SPTAN1: variants seen among roughly 807,000 people sequenced by gnomAD.
SPTAN1 encodes spectrin alpha, non-erythrocytic 1.
Under a neutral mutation model 331.3 loss-of-function variants are expected in SPTAN1, and 61 were observed. That is an observed-to-expected ratio of 0.18 (90% CI 0.15 to 0.23). SPTAN1 has a LOEUF of 0.23. SPTAN1 is among the 10% of genes least tolerant of loss of function. The probability of loss-of-function intolerance (pLI) is 1.00; values close to 1 mark genes in which losing one functional copy is unlikely to be tolerated. For synonymous variants in SPTAN1, 1,153 were observed against 1,173.9 expected (o/e 0.98, Z 0.36); for missense variants, 2,043 against 3,147.9 (o/e 0.65, Z 8.40).
At chr9:128,617,508 G>C (rs1195581951) in intron 41 of SPTAN1, 132 bp from the exon 42 acceptor site, 2 of 1,365,690 alleles carry the variant, frequency 1.5e-6, no homozygotes, top group Non-Finnish European at 2.1e-6. Flanking sequence ...GGCTTTTGTT[G>C]TTCAGAAAAC....
At chr9:128,557,242 T>A (rs954174661) in intron 1 of SPTAN1, among the ~76,000 whole-genome samples, 2 of 152,254 alleles carry the variant, frequency 1.3e-5, no homozygotes, top group African/African-American at 4.8e-5. Context: ...CATTTTGTAG[T>A]ATTCCAAATG....
At chr9:128,612,370 C>A in intron 39 of SPTAN1, 124 bp downstream of exon 39, 1 of 1,250,958 alleles carries the variant, frequency 8.0e-7, no homozygotes, top group Non-Finnish European at 1.2e-6. Flanking sequence ...GACAGAAACC[C>A]TTATTATATA....
intron 10 of SPTAN1, among the ~76,000 whole-genome samples, chr9:128,580,383 G>A (rs2131076922): frequency 6.7e-6 from 1 of 149,928 alleles, no homozygotes; most frequent in Admixed American, 6.6e-5. Flanking sequence ...TATAAGTTTT[G>A]AAGTATCTTC....
intron 15 of SPTAN1, 131 bp downstream of exon 15, chr9:128,583,412 C>T: frequency 1.0e-6 from 1 of 953,258 alleles, no homozygotes; most frequent in East Asian, 2.6e-5. Flanking sequence ...GGATAATTTC[C>T]TGTGTAGGAA....
At chr9:128,588,013 A>ATTTTTTTTTTTTTTTTTTTTTT (rs10627038) in intron 20 of SPTAN1, among the ~76,000 whole-genome samples, 1 of 136,780 alleles carries the variant, frequency 7.3e-6, no homozygotes, top group African/African-American at 2.8e-5. Flanking sequence ...GCCCAGCTAA[A>ATTTTTTTTTTTTTTTTTTTTTT]TTTTTTTTTT....
At chr9:128,565,920 A>G (rs559757395) in intron 1 of SPTAN1, among the ~76,000 whole-genome samples, 10 of 152,156 alleles carry the variant, frequency 6.6e-5, no homozygotes, top group Non-Finnish European at 1.5e-4. Context: ...TGACATTTTT[A>G]GTCACTTTAG....
intron 29 of SPTAN1, among the ~76,000 whole-genome samples, chr9:128,604,637 A>G (rs1046776216): frequency 6.6e-6 from 1 of 152,224 alleles, no homozygotes; most frequent in Admixed American, 6.5e-5. Flanking sequence ...TGTCAGCTAA[A>G]TAAATTTTTT....
In SPTAN1 at chr9:128,633,646, T is replaced by C; in HGVS notation, c.*312T>C. 7.2e-7 allele frequency: 1 copy of C among 1,387,350 alleles called. No individual in the cohort carries two copies. Among genetic ancestry groups the C allele is most frequent in the South Asian group, 1.3e-5 (1 of 76,980 alleles). 85.9% of individuals were successfully genotyped at this position (1,387,350 alleles called of 1,614,324 possible). A position where few individuals can be genotyped will look rare whatever the true frequency, so the allele number is the denominator to read the frequency against. Reference sequence around the variant, plus strand: ...TGTTTTCATGTAAAAGACAAATAAATGATGACTTCCCCCAAAGCTTTGCTT... The same window carrying C: ...TGTTTTCATGTAAAAGACAAATAAACGATGACTTCCCCCAAAGCTTTGCTT... On this transcript the variant is annotated 3_prime_UTR_variant, in exon 57 of 57. Transcript: ENST00000372739.
chr9:128,606,697 G>C (rs1347285922), intron 31 of SPTAN1, among the ~76,000 whole-genome samples: 2 of 151,870 alleles, frequency 1.3e-5, no homozygotes, highest in Non-Finnish European at 2.9e-5. Context: ...TGTTGGTCAG[G>C]CTGGTCTCGA....
In SPTAN1 at chr9:128,607,551, G is replaced by A. The variant is rs79940826; in HGVS notation, c.4047-53G>A. On this transcript the variant is annotated intron_variant, in intron 31 of 56. Coordinates refer to ENST00000372739, the MANE Select transcript of SPTAN1 (RefSeq NM_001130438.3). The stretch of plus-strand genomic sequence containing the variant: ...TCATTCTCTGTTTTCCTGGGCAGAA[G>A]ATCTCCTTACCAGGTAATATAATAG... The A allele has an allele frequency of 3.4e-3, 4,867 of 1,449,636 alleles. 141 individuals are homozygous for A. In the East Asian group the frequency reaches 0.052, roughly 16 times the overall value. 89.8% of individuals were successfully genotyped at this position (1,449,636 alleles called of 1,614,324 possible).
At chr9:128,595,511 T>C (rs77736877) in intron 24 of SPTAN1, among the ~76,000 whole-genome samples, 4,194 of 152,334 alleles carry the variant, frequency 0.028, 196 homozygotes, top group African/African-American at 0.094. Flanking sequence ...TAAGAACTTT[T>C]CTAAGCCTAA....
At chr9:128,591,420 T>C in intron 21 of SPTAN1, 57 bp from the exon 22 acceptor site, 1 of 1,612,184 alleles carries the variant, frequency 6.2e-7, no homozygotes, top group Non-Finnish European at 8.5e-7. Flanking sequence ...GTGACCTCCT[T>C]GGATTCTCCC....
At chr9:128,620,315 G>T (rs1220172212) in intron 44 of SPTAN1, among the ~76,000 whole-genome samples, 1 of 152,336 alleles carries the variant, frequency 6.6e-6, no homozygotes, top group East Asian at 1.9e-4. Flanking sequence ...GCTGGTCAGG[G>T]TGATTCAGGT....
chr9:128,600,252 C>T, intron 27 of SPTAN1, 137 bp downstream of exon 27: 1 of 941,138 alleles, frequency 1.1e-6, no homozygotes, highest in Non-Finnish European at 1.7e-6. Context: ...TGGTTTCTTT[C>T]TGAATCTGTT....
At chr9:128,624,933 G>T (rs1858507759) in intron 46 of SPTAN1, 170 bp from the exon 47 acceptor site, 7 of 694,052 alleles carry the variant, frequency 1.0e-5, no homozygotes, top group Non-Finnish European at 1.8e-5. Context: ...ACAGATGGAG[G>T]CCAGGCCTGG....
intron 21 of SPTAN1, among the ~76,000 whole-genome samples, chr9:128,589,285 C>CT (rs1853113529): frequency 1.5e-5 from 2 of 132,780 alleles, no homozygotes; most frequent in Admixed American, 8.1e-5. Context: ...TTTTCTTTTT[C>CT]TTTTCTTTTT....
intron 27 of SPTAN1, among the ~76,000 whole-genome samples, chr9:128,600,855 G>C (rs905787962): frequency 6.6e-6 from 1 of 151,842 alleles, no homozygotes; most frequent in East Asian, 1.9e-4. Flanking sequence ...TAGAGACAGG[G>C]TTTCGCCATG....
chr9:128,628,573 C>T (rs62586290), intron 51 of SPTAN1: 2 of 205,574 alleles, frequency 9.7e-6, no homozygotes, highest in Non-Finnish European at 2.0e-5. Flanking sequence ...CCAGTCCCGG[C>T]AGGGACTTCT....
At position 128,625,654 on chromosome 9, in the gene SPTAN1, A is replaced by C. The variant is rs1858625009; in HGVS notation, c.6070-115A>C. 1.1e-6 allele frequency: 1 copy of C among 944,028 alleles called. No homozygotes were observed. The highest frequency in any genetic ancestry group is 1.3e-5 in the South Asian group (1 of 76,490). 58.5% of individuals were successfully genotyped at this position (944,028 alleles called of 1,614,324 possible). A position where few individuals can be genotyped will look rare whatever the true frequency, so the allele number is the denominator to read the frequency against. On this transcript the variant is annotated intron_variant, in intron 47 of 56. Transcript: ENST00000372739. This position sits in a 1 kb window ranked among gnomAD's most constrained non-coding sequence, Gnocchi z 4.1. ...GTGTGACTGAGTCTCAGCAGTGTCC[A>C]GGTGGACAGTTTGGCTTGGGCATCT... is the stretch of plus-strand genomic sequence containing the variant.
Sources: allele counts gnomAD v4.1 joint callset (sites outside exome capture counted in the v4.1 genomes callset), GRCh38; gene constraint gnomAD v4.1.1; non-coding constraint Gnocchi (gnomAD v3.1); transcripts MANE v1.5; gene names NCBI Gene and HGNC (gene_info 2026-07-23, HGNC 2026-07-21).